Variants in PAK5 observed in about 807,000 individuals in gnomAD.
PAK5 encodes serine/threonine-protein kinase PAK 5.
A neutral mutation model predicts 65.9 loss-of-function variants in PAK5; 16 were observed. The ratio of observed to expected loss-of-function variants is 0.24; its 90% CI spans 0.16 to 0.37. The LOEUF (loss-of-function observed/expected upper bound fraction) is 0.37. Among genes scored for constraint, PAK5 ranks in the 10% least tolerant of loss-of-function variants. The pLI is 1.00. For synonymous variants in PAK5, 371 were observed against 354.9 expected (o/e 1.05, Z -0.51); for missense variants, 785 against 903.9 (o/e 0.87, Z 1.69).
intron 5 of PAK5, among the ~76,000 whole-genome samples, chr20:9,565,385 C>T (rs549122674): frequency 3.7e-4 from 56 of 152,066 alleles, no homozygotes; most frequent in African/African-American, 1.3e-3. Context: ...TTTTAAAGTT[C>T]CTAAAGGGTG....
intron 1 of PAK5, among the ~76,000 whole-genome samples, chr20:9,834,444 G>A (rs935958368): frequency 2.0e-5 from 3 of 152,054 alleles, no homozygotes; most frequent in East Asian, 1.9e-4. Context: ...GGAACTTGTC[G>A]CCTTATAAAG....
chr20:9,648,686 A>T (rs2047166192), intron 2 of PAK5, among the ~76,000 whole-genome samples: 1 of 152,186 alleles, frequency 6.6e-6, no homozygotes, highest in Non-Finnish European at 1.5e-5. Flanking sequence ...AGAAGAGGAA[A>T]CAGATGCTCA....
chr20:9,665,896 A>G (rs1049295446), intron 2 of PAK5, among the ~76,000 whole-genome samples: 4 of 152,056 alleles, frequency 2.6e-5, no homozygotes, highest in Non-Finnish European at 4.4e-5. Context: ...CTTGAAAACC[A>G]TATCTTAAGG....
chr20:9,662,226 G>A (rs1012486511), intron 2 of PAK5, among the ~76,000 whole-genome samples: 1 of 152,040 alleles, frequency 6.6e-6, no homozygotes, highest in African/African-American at 2.4e-5. Context: ...TCACTTCTTG[G>A]TCATCTTTTC....
intron 2 of PAK5, among the ~76,000 whole-genome samples, chr20:9,657,721 T>A (rs1005552957): frequency 1.7e-4 from 26 of 152,328 alleles, no homozygotes; most frequent in African/African-American, 6.0e-4. Flanking sequence ...GGGTTGGGAA[T>A]GCTTTGAGTT....
At chr20:9,746,344 G>A (rs572154388) in intron 1 of PAK5, among the ~76,000 whole-genome samples, 12 of 152,176 alleles carry the variant, frequency 7.9e-5, no homozygotes, top group South Asian at 2.1e-4. Context: ...TCCAGAAACC[G>A]CACAGACATT....
At chr20:9,801,514 T>TAC (rs896021109) in intron 1 of PAK5, among the ~76,000 whole-genome samples, 2 of 150,736 alleles carry the variant, frequency 1.3e-5, no homozygotes, top group South Asian at 2.1e-4. Flanking sequence ...ATTATAGATA[T>TAC]ACACACACAC....
chr20:9,811,183 T>A (rs2123755058), intron 1 of PAK5, among the ~76,000 whole-genome samples: 1 of 152,240 alleles, frequency 6.6e-6, no homozygotes, highest in African/African-American at 2.4e-5. Flanking sequence ...AATGATCCCC[T>A]CCTTATAAAT....
At chr20:9,671,603 G>T (rs1205323991) in intron 2 of PAK5, among the ~76,000 whole-genome samples, 1 of 150,280 alleles carries the variant, frequency 6.7e-6, no homozygotes, top group Non-Finnish European at 1.5e-5. Flanking sequence ...AAGAATGCTT[G>T]TGATTTTTGT....
At chr20:9,714,659 A>G (rs889749272) in intron 1 of PAK5, among the ~76,000 whole-genome samples, 1 of 152,236 alleles carries the variant, frequency 6.6e-6, no homozygotes, top group Non-Finnish European at 1.5e-5. Flanking sequence ...CTACAAGGCT[A>G]TAGTAACCAA....
At chr20:9,831,254 C>T (rs1450053540) in intron 1 of PAK5, among the ~76,000 whole-genome samples, 1 of 152,200 alleles carries the variant, frequency 6.6e-6, no homozygotes, top group Admixed American at 6.5e-5. Flanking sequence ...TCCCCATCCC[C>T]CGCCACATTC....
intron 3 of PAK5, among the ~76,000 whole-genome samples, chr20:9,628,182 C>A (rs1276561819): frequency 5.3e-5 from 8 of 152,162 alleles, no homozygotes; most frequent in African/African-American, 1.7e-4. Context: ...ATGTATTAAG[C>A]TATTCAATCC....
chr20:9,835,277 G>T (rs998480376), intron 1 of PAK5, among the ~76,000 whole-genome samples: 83 of 152,118 alleles, frequency 5.5e-4, no homozygotes, highest in Admixed American at 5.0e-3. Context: ...TTTGCAAACT[G>T]GAATAAGTGC....
chr20:9,728,293 G>A (rs75401631), intron 1 of PAK5, among the ~76,000 whole-genome samples: 5,914 of 152,088 alleles, frequency 0.039, 175 homozygotes, highest in Non-Finnish European at 0.059. Context: ...CCAGAATCAC[G>A]AGAAATAAAT....
At chr20:9,722,395 G>A (rs2123523310) in intron 1 of PAK5, among the ~76,000 whole-genome samples, 1 of 152,100 alleles carries the variant, frequency 6.6e-6, no homozygotes, top group Non-Finnish European at 1.5e-5. Context: ...GTGTAATCAC[G>A]AGGTCAGGAG....
chr20:9,558,899 G>A (rs2045552310), intron 6 of PAK5, among the ~76,000 whole-genome samples: 1 of 152,224 alleles, frequency 6.6e-6, no homozygotes, highest in Admixed American at 6.5e-5. Flanking sequence ...TAGAGGGGGA[G>A]GGGGAAGTCA....
chr20:9,617,344 T>G (rs751471603), intron 3 of PAK5, among the ~76,000 whole-genome samples: 8 of 152,132 alleles, frequency 5.3e-5, no homozygotes, highest in African/African-American at 7.2e-5. Flanking sequence ...TCAAAGACAT[T>G]GAGTCAAAAC....
chr20:9,566,583 C>T (rs6039504), intron 4 of PAK5, among the ~76,000 whole-genome samples, 199 bp from the exon 5 acceptor site: 28,707 of 151,788 alleles, frequency 0.19, 3,040 homozygotes, highest in African/African-American at 0.29. Context: ...CAGGAGGTTA[C>T]TTCACGTGTG....
intron 3 of PAK5, among the ~76,000 whole-genome samples, chr20:9,585,873 T>G (rs1472244332): frequency 6.6e-6 from 1 of 152,100 alleles, no homozygotes; most frequent in South Asian, 2.1e-4. Flanking sequence ...TGAAGATTAT[T>G]TAAAAAATGA....
Sources: allele counts gnomAD v4.1 joint callset (sites outside exome capture counted in the v4.1 genomes callset), GRCh38; gene constraint gnomAD v4.1.1; transcripts MANE v1.5; gene names NCBI Gene and HGNC (gene_info 2026-07-23, HGNC 2026-07-21).